The following CERS6 variants were observed in gnomAD, a reference collection of about 807,000 sequenced individuals.
CERS6 encodes ceramide synthase 6, also known as LAG1 homolog, ceramide synthase 6.
CERS6 carries 26 observed loss-of-function variants against 56.8 expected under a neutral mutation model. The ratio of observed to expected loss-of-function variants is 0.46; its 90% CI spans 0.34 to 0.63. The LOEUF is 0.63. Ranked by LOEUF, CERS6 falls within the 30% of genes least tolerant of loss-of-function variation. The pLI is 0.01. For missense variants in CERS6, 415 were observed against 467.5 expected (o/e 0.89, Z 1.04); for synonymous variants, 164 against 173.3 (o/e 0.95, Z 0.42).
chr2:168,507,443 T>G (rs528784205), intron 1 of CERS6, among the ~76,000 whole-genome samples: 1 of 150,902 alleles, frequency 6.6e-6, no homozygotes, highest in South Asian at 2.1e-4. Context: ...ATCCTTCTGG[T>G]GTTTCCTCAT....
intron 6 of CERS6, among the ~76,000 whole-genome samples, chr2:168,699,330 A>G (rs1686746912): frequency 6.6e-6 from 1 of 152,212 alleles, no homozygotes; most frequent in African/African-American, 2.4e-5. Flanking sequence ...GCAATACAGT[A>G]TGGAAATCAA....
intron 4 of CERS6, among the ~76,000 whole-genome samples, chr2:168,674,127 T>C (rs1685992792): frequency 6.6e-6 from 1 of 152,182 alleles, no homozygotes; most frequent in Non-Finnish European, 1.5e-5. Flanking sequence ...AAATTTCATG[T>C]GCAAGAAAAG....
chr2:168,539,028 G>C lies in CERS6; in HGVS notation c.171-8568G>C, dbSNP rs1485574648. ...TCGCCCAGGCTGGAGTGCAGTGGCG[G>C]GATCTCGGCTCACTGCAAGCTCCGC... On this transcript the variant is annotated intron_variant, in intron 1 of 9. Coordinates refer to ENST00000305747, the MANE Select transcript of CERS6 (RefSeq NM_203463.3). Among the ~76,000 whole-genome samples, 6 of 1,102 alleles carry C rather than the reference G, an allele frequency of 5.4e-3. 1 individual carries two copies. Among genetic ancestry groups the C allele is most frequent in the African/African-American group, 5.6e-3 (6 of 1,074 alleles). The allele number at this position is 1,102 out of a possible 152,430, so 0.7% of individuals were successfully genotyped here. A position where few individuals can be genotyped will look rare whatever the true frequency, so the allele number is the denominator to read the frequency against.
chr2:168,668,551 A>G (rs1052059019), intron 4 of CERS6, among the ~76,000 whole-genome samples: 4 of 151,620 alleles, frequency 2.6e-5, no homozygotes, highest in African/African-American at 7.3e-5. Context: ...AGATCAAGCA[A>G]TTCTCCTGCC....
intron 1 of CERS6, among the ~76,000 whole-genome samples, chr2:168,531,532 C>T (rs1215457414): frequency 1.3e-5 from 2 of 152,088 alleles, no homozygotes; most frequent in East Asian, 3.9e-4. Context: ...CATTAAAAGT[C>T]ACTGACTGTC....
Position 168,456,699 on chromosome 2 carries a change from C to G in CERS6, c.170+81C>G. 7.4e-7 allele frequency: 1 copy of G among 1,354,778 alleles called. No homozygotes were observed. Among genetic ancestry groups the G allele is most frequent in the African/African-American group, 1.5e-5 (1 of 68,844 alleles). The allele number at this position is 1,354,778 out of a possible 1,614,324, so 83.9% of individuals were successfully genotyped here. On this transcript the variant is annotated intron_variant, in intron 1 of 9. Transcript: ENST00000305747. The surrounding 1 kb of genome is among the most constrained non-coding windows in gnomAD (Gnocchi z 4.1). Reference sequence around the variant, plus strand: ...ACACTCGCGCGCTCTCTGGCGCACGCCCCCGCGCCCCCAACGCTCGCGTTC... The same window carrying G: ...ACACTCGCGCGCTCTCTGGCGCACGGCCCCGCGCCCCCAACGCTCGCGTTC...
At chr2:168,465,073 T>C (rs2105319954) in intron 1 of CERS6, among the ~76,000 whole-genome samples, 1 of 152,366 alleles carries the variant, frequency 6.6e-6, no homozygotes, top group South Asian at 2.1e-4. Context: ...CAGAGATATA[T>C]TTGTACACCC....
chr2:168,768,623 T>TGGC (rs1444065810), intron 9 of CERS6, among the ~76,000 whole-genome samples: 1 of 151,988 alleles, frequency 6.6e-6, no homozygotes, highest in Admixed American at 6.6e-5. Flanking sequence ...AGATGCCTCC[T>TGGC]GGCCAGGCAC....
intron 6 of CERS6, among the ~76,000 whole-genome samples, chr2:168,702,333 T>C (rs1451184060): frequency 6.6e-6 from 1 of 152,212 alleles, no homozygotes; most frequent in African/African-American, 2.4e-5. Flanking sequence ...CATTTTTACT[T>C]GAAAGAATGA....
intron 3 of CERS6, among the ~76,000 whole-genome samples, chr2:168,621,830 G>T (rs141708657): frequency 6.6e-6 from 1 of 152,092 alleles, no homozygotes; most frequent in South Asian, 2.1e-4. Context: ...ACTTCCAATG[G>T]CAATTTTAGC....
At chr2:168,461,428 C>G (rs1171105016) in intron 1 of CERS6, among the ~76,000 whole-genome samples, 1 of 140,364 alleles carries the variant, frequency 7.1e-6, no homozygotes, top group African/African-American at 2.7e-5. Context: ...CTACTACACT[C>G]TAGCCTGGGC....
intron 1 of CERS6, among the ~76,000 whole-genome samples, chr2:168,481,471 C>CT (rs1263587937): frequency 1.3e-5 from 2 of 152,080 alleles, no homozygotes; most frequent in South Asian, 4.2e-4. Flanking sequence ...AACTGAGCAA[C>CT]TTTTTTTTGC....
intron 1 of CERS6, among the ~76,000 whole-genome samples, chr2:168,460,529 G>A (rs1008709147): frequency 2.6e-5 from 4 of 152,006 alleles, no homozygotes; most frequent in Non-Finnish European, 4.4e-5. Flanking sequence ...AAATATTGTA[G>A]TCAATGGTTT....
intron 4 of CERS6, among the ~76,000 whole-genome samples, chr2:168,652,064 A>G (rs1685356348): frequency 6.7e-6 from 1 of 150,318 alleles, no homozygotes; most frequent in Admixed American, 6.6e-5. Context: ...CACAACAACC[A>G]TTACATAATT....
chr2:168,509,583 T>C (rs1303408922), intron 1 of CERS6, among the ~76,000 whole-genome samples: 3 of 152,250 alleles, frequency 2.0e-5, no homozygotes, highest in African/African-American at 7.2e-5. Flanking sequence ...AGTCTTCATC[T>C]ATGAATGGGA....
intron 4 of CERS6, among the ~76,000 whole-genome samples, chr2:168,663,561 A>G (rs1055275020): frequency 6.6e-6 from 1 of 152,128 alleles, no homozygotes; most frequent in East Asian, 1.9e-4. Flanking sequence ...ATAATTTTAA[A>G]TTCACATTTT....
chr2:168,515,483 C>T (rs1233399761), intron 1 of CERS6, among the ~76,000 whole-genome samples: 6 of 151,886 alleles, frequency 4.0e-5, no homozygotes, highest in African/African-American at 1.5e-4. Context: ...TTCTCATCAC[C>T]AAGTGGGGAG....
chr2:168,591,527 G>A (rs1574085472), intron 3 of CERS6, among the ~76,000 whole-genome samples: 1 of 152,220 alleles, frequency 6.6e-6, no homozygotes, highest in East Asian at 1.9e-4. Context: ...ACAATCATTA[G>A]TTTTAACATT....
intron 3 of CERS6, among the ~76,000 whole-genome samples, chr2:168,613,800 C>T (rs1257258803): frequency 1.3e-5 from 2 of 152,166 alleles, no homozygotes; most frequent in Non-Finnish European, 2.9e-5. Context: ...AATCATGATG[C>T]TCGGTTCAAG....
Sources: gnomAD v4.1 joint callset for allele counts (sites outside exome capture counted in the v4.1 genomes callset) on GRCh38, gnomAD v4.1.1 for gene constraint, Gnocchi (gnomAD v3.1) non-coding constraint, MANE v1.5 for transcripts, NCBI Gene and HGNC (gene_info 2026-07-23, HGNC 2026-07-21) for gene names.